USP9X: variants seen among roughly 807,000 people sequenced by gnomAD.
USP9X encodes ubiquitin carboxyl-terminal hydrolase 9X.
A neutral mutation model predicts 190.3 loss-of-function variants in USP9X; 7 were observed. The observed-to-expected ratio is 0.04, with a 90% CI of 0.02 to 0.07. The LOEUF (loss-of-function observed/expected upper bound fraction) is 0.07, where lower values mean the gene tolerates loss of function less well. USP9X is among the 10% of genes least tolerant of loss of function. The pLI, the probability that USP9X is intolerant of heterozygous loss-of-function variation, is 1.00. For synonymous variants in USP9X, 645 were observed against 659.5 expected (o/e 0.98, Z 0.34); for missense variants, 1,010 against 1,916.9 (o/e 0.53, Z 8.83).
rs745606978 is a variant in USP9X at position 41,148,500 on chromosome X, T to C, written c.1551T>C (p.Ser517=). Residue 517 remains serine, a synonymous_variant, in exon 12 of 45, where the codon AGT becomes AGC. Coordinates refer to ENST00000378308, the MANE Select transcript of USP9X (RefSeq NM_001039591.3). ...VLNLLWNLAH[S]DDVPVDIMDL... Reference sequence around the variant, plus strand: ...ACCTTCTGTGGAATCTGGCTCACAGTGATGATGTGCCTGTAGATATCATGG... The same window carrying C: ...ACCTTCTGTGGAATCTGGCTCACAGCGATGATGTGCCTGTAGATATCATGG... 4.1e-6 allele frequency: 5 copies of C among 1,211,941 alleles called. No individual in the cohort carries two copies. Among genetic ancestry groups the C allele is most frequent in the Non-Finnish European group, 5.6e-6 (5 of 895,551 alleles).
chrX:41,094,163 C>G (rs1392446524), intron 1 of USP9X, among the ~76,000 whole-genome samples: 1 of 97,448 alleles, frequency 1.0e-5, no homozygotes, highest in Non-Finnish European at 2.0e-5. Context: ...ACTGTAGTGA[C>G]TACAGGTGTA....
intron 14 of USP9X, among the ~76,000 whole-genome samples, chrX:41,154,897 G>A (rs1767220971): frequency 9.0e-6 from 1 of 110,921 alleles, no homozygotes; most frequent in African/African-American, 3.3e-5. Flanking sequence ...TAAATATGGG[G>A]GTGGGGGCAA....
chrX:41,098,470 TA>T (rs1216011106), intron 1 of USP9X, among the ~76,000 whole-genome samples: 1 of 110,531 alleles, frequency 9.0e-6, no homozygotes, highest in Non-Finnish European at 1.9e-5. Context: ...ATGTTATGCC[TA>T]TTTTTGAACT....
chrX:41,226,498 C>T (rs986725544), intron 41 of USP9X, among the ~76,000 whole-genome samples: 1 of 111,194 alleles, frequency 9.0e-6, no homozygotes, highest in African/African-American at 3.3e-5. Flanking sequence ...GGTAATAAAA[C>T]AAACTTAAAA....
intron 21 of USP9X, among the ~76,000 whole-genome samples, chrX:41,177,541 C>A (rs1471241473): frequency 8.9e-6 from 1 of 112,133 alleles, no homozygotes; most frequent in Non-Finnish European, 1.9e-5. Flanking sequence ...TAACCCAGAT[C>A]ACTTAGTTGA....
chrX:41,124,580 G>A (rs149598870), intron 2 of USP9X, among the ~76,000 whole-genome samples: 1,669 of 112,298 alleles, frequency 0.015, 15 homozygotes, highest in South Asian at 0.028. Flanking sequence ...ACTAAGCCAT[G>A]TGTCAATTCT....
intron 32 of USP9X, among the ~76,000 whole-genome samples, chrX:41,207,433 A>G (rs2063113296): frequency 8.9e-6 from 1 of 111,745 alleles, no homozygotes; most frequent in African/African-American, 3.3e-5. Context: ...TAAAATAACA[A>G]TATTTTATTT....
At chrX:41,195,046 C>CTTTT (rs931341447) in intron 26 of USP9X, among the ~76,000 whole-genome samples, 1 of 104,686 alleles carries the variant, frequency 9.6e-6, no homozygotes, top group Non-Finnish European at 1.9e-5. Context: ...TTTTTTCTTT[C>CTTTT]TTTTTTTTGG....
intron 15 of USP9X, 36 bp from the exon 16 acceptor site, chrX:41,165,836 A>G (rs964149281): frequency 4.3e-6 from 5 of 1,164,642 alleles, no homozygotes; most frequent in Admixed American, 2.3e-5. Flanking sequence ...TAAAAATTAC[A>G]TAAATCTAAT....
At chrX:41,128,601 A>G (rs1274139126) in intron 2 of USP9X, among the ~76,000 whole-genome samples, 1 of 112,007 alleles carries the variant, frequency 8.9e-6, no homozygotes, top group African/African-American at 3.2e-5. Context: ...ACCTCTTACC[A>G]CTTGGATAGC....
chrX:41,195,603 T>C (rs982240495), intron 26 of USP9X, among the ~76,000 whole-genome samples: 1 of 110,339 alleles, frequency 9.1e-6, no homozygotes. Flanking sequence ...ATCAGGGAGG[T>C]AGTGGGGGAT....
chrX:41,197,462 G>C lies in USP9X; in HGVS notation c.4332G>C (p.Glu1444Asp), dbSNP rs1185130883. Residue 1444 changes from glutamate (E) to aspartate (D), a missense_variant, in exon 29 of 45, where the codon GAG becomes GAC. This residue lies in a region of USP9X where 351 missense variants were observed against 480.8 expected (regional missense o/e 0.73). Transcript: ENST00000378308. ...TKELLAFQTS[E>D]KKFHIGCEKG... ...AGTTACTGGCCTTTCAAACTTCTGA[G>C]AAAAAATTTCATATTGGTTGTGAAA... The C allele has an allele frequency of 8.3e-7, 1 of 1,206,667 alleles. No homozygotes were observed.
Position 41,224,863 on chromosome X carries a change from A to G in USP9X, c.6873A>G (p.Glu2291=), listed in dbSNP as rs2063299198. 8.3e-7 allele frequency: 1 copy of G among 1,211,898 alleles called. No homozygotes were observed. ...VRTSYVKKII[E]DCSNSEETVK... is the part of the protein sequence containing the mutation. Reference sequence around the variant, plus strand: ...CAAGTTATGTGAAGAAAATCATTGAAGACTGCAGTAATTCAGAGGAAACCG... The same window carrying G: ...CAAGTTATGTGAAGAAAATCATTGAGGACTGCAGTAATTCAGAGGAAACCG... Residue 2291 remains glutamate (E), a synonymous_variant, in exon 40 of 45, where the codon GAA becomes GAG. Coordinates refer to ENST00000378308, the MANE Select transcript of USP9X (RefSeq NM_001039591.3).
At chrX:41,118,350 C>T (rs772528196) in intron 1 of USP9X, among the ~76,000 whole-genome samples, 32 of 110,725 alleles carry the variant, frequency 2.9e-4, no homozygotes, top group Non-Finnish European at 5.9e-4. Flanking sequence ...CGTGACTAAT[C>T]TGGGTACCCG....
chrX:41,103,534 C>T (rs1283373666), intron 1 of USP9X, among the ~76,000 whole-genome samples: 1 of 111,677 alleles, frequency 9.0e-6, no homozygotes, highest in Non-Finnish European at 1.9e-5. Flanking sequence ...ATGCAAAACT[C>T]GAACCCATGC....
chrX:41,166,778 T>C (rs749453067), intron 16 of USP9X, among the ~76,000 whole-genome samples: 1 of 112,200 alleles, frequency 8.9e-6, no homozygotes, highest in South Asian at 3.7e-4. Context: ...GTCTCACATA[T>C]TTTCCTGCAA....
chrX:41,153,697 T>C (rs2062550694), intron 14 of USP9X, among the ~76,000 whole-genome samples: 1 of 112,386 alleles, frequency 8.9e-6, no homozygotes. Flanking sequence ...TATGTCAGTC[T>C]GTGTGTGCAA....
chrX:41,210,842 G>T (rs747529564), intron 33 of USP9X, among the ~76,000 whole-genome samples, 160 bp downstream of exon 33: 1 of 111,364 alleles, frequency 9.0e-6, no homozygotes, highest in African/African-American at 3.3e-5. Context: ...TACTGCTGTG[G>T]GGCTTTTTTT....
intron 11 of USP9X, among the ~76,000 whole-genome samples, chrX:41,146,586 G>A (rs1435838024): frequency 9.3e-6 from 1 of 107,413 alleles, no homozygotes; most frequent in East Asian, 2.9e-4. Flanking sequence ...ACCTCATTGT[G>A]CTTGTGCTTT....
Sources: allele counts gnomAD v4.1 joint callset (sites outside exome capture counted in the v4.1 genomes callset), GRCh38; gene constraint gnomAD v4.1.1; regional missense constraint gnomAD v4.1.1; transcripts MANE v1.5; gene names NCBI Gene and HGNC (gene_info 2026-07-23, HGNC 2026-07-21).